The following TRAP1 variants were observed in gnomAD, a reference collection of about 807,000 sequenced individuals.
The protein encoded by TRAP1 is heat shock protein 75 kDa, mitochondrial.
In TRAP1, 102 loss-of-function variants were observed where a neutral mutation model predicts 89.1. The ratio of observed to expected loss-of-function variants is 1.15; its 90% confidence interval spans 0.98 to 1.35. TRAP1 has a LOEUF of 1.35. Ranked by LOEUF, TRAP1 falls within the 40% of genes most tolerant of loss-of-function variation. The pLI is 0.00. For synonymous variants in TRAP1, 508 were observed against 388.0 expected (o/e 1.31, Z -3.64); for missense variants, 1,256 against 945.3 (o/e 1.33, Z -4.31).
At chr16:3,683,351 G>A (rs1179743144) in intron 4 of TRAP1, among the ~76,000 whole-genome samples, 1 of 151,486 alleles carries the variant, frequency 6.6e-6, no homozygotes, top group Non-Finnish European at 1.5e-5. Flanking sequence ...ATCCATACCG[G>A]TTGATTAACT....
chr16:3,687,363 A>T (rs1351886920), intron 3 of TRAP1: 1 of 152,238 alleles, frequency 6.6e-6, no homozygotes, highest in Non-Finnish European at 1.5e-5. Flanking sequence ...GTCCAATTAA[A>T]GCTCCTTCTT....
At chr16:3,708,858 G>A (rs532403062) in intron 1 of TRAP1, among the ~76,000 whole-genome samples, 1 of 145,582 alleles carries the variant, frequency 6.9e-6, no homozygotes, top group Admixed American at 7.0e-5. Flanking sequence ...CTCTGTTGCC[G>A]AGGCTGGAGT....
intron 1 of TRAP1, among the ~76,000 whole-genome samples, chr16:3,713,271 G>C (rs1223300816): frequency 2.0e-5 from 3 of 152,196 alleles, no homozygotes; most frequent in Admixed American, 2.0e-4. Context: ...GGAGAGCAGA[G>C]GGAGGAGGCA....
chr16:3,672,642 G>C (rs968246787), intron 10 of TRAP1, 58 bp downstream of exon 10: 5 of 1,553,962 alleles, frequency 3.2e-6, no homozygotes, highest in Non-Finnish European at 4.3e-6. Flanking sequence ...GTCCCTCACA[G>C]ATGCAGCGGG....
chr16:3,675,215 GC>G (rs2050972739), intron 8 of TRAP1, 108 bp downstream of exon 8: 1 of 1,035,800 alleles, frequency 9.7e-7, no homozygotes, highest in Non-Finnish European at 1.4e-6. Flanking sequence ...AGAGCAGCTC[GC>G]CCTGTGACTC....
intron 4 of TRAP1, chr16:3,680,016 G>A: frequency 4.0e-6 from 2 of 497,878 alleles, no homozygotes; most frequent in South Asian, 4.7e-5. Flanking sequence ...GATCACTTGA[G>A]GCCAGGAGTT....
intron 1 of TRAP1, among the ~76,000 whole-genome samples, chr16:3,702,712 T>G: frequency 6.6e-6 from 1 of 151,612 alleles, no homozygotes; most frequent in South Asian, 2.1e-4. Flanking sequence ...ACCACTGCAC[T>G]CTAGCCTGGG....
rs776050999 is a variant in TRAP1, at chr16:3,672,811, T to C, written c.1054A>G (p.Met352Val). Reference protein sequence around the residue: ...IFYVPDMKPSMFDVSRELGSS... With the variant: ...IFYVPDMKPSVFDVSRELGSS... ...CCCAGCTCCCGGCTCACATCAAACA[T>C]GGACGGTTTCTGGGGGTGAGGAGAA... is the stretch of plus-strand genomic sequence containing the variant. Residue 352 changes from methionine (M) to valine (V), a missense_variant, in exon 10 of 18, where the codon ATG becomes GTG. By Grantham distance (21) the Met-to-Val change is conservative (BLOSUM62 1). Coordinates refer to ENST00000246957, the MANE Select transcript of TRAP1 (RefSeq NM_016292.3). The C allele has an allele frequency of 2.8e-5, 45 of 1,612,760 alleles. No homozygotes were observed. Among genetic ancestry groups the C allele is most frequent in the Non-Finnish European group, 3.6e-5 (43 of 1,179,656 alleles).
Position 3,674,389 on chromosome 16 carries a change from T to TA in TRAP1, c.993dup (p.Lys332Ter). ...CGGATGTTGAGCGGTGCGTCCGTCT[T>TA]ATAGTGCAGGGTGTAGCGGGGCTTG... On this transcript the variant is annotated frameshift_variant, in exon 9 of 18. Transcript: ENST00000246957. LOFTEE classifies it high-confidence loss of function. 1 of 1,614,080 alleles carries TA rather than the reference T, an allele frequency of 6.2e-7. No homozygotes were observed. The highest frequency in any genetic ancestry group is 8.5e-7 in the Non-Finnish European group (1 of 1,180,012).
chr16:3,693,465 T>A (rs1191608948), intron 1 of TRAP1, among the ~76,000 whole-genome samples: 1 of 151,890 alleles, frequency 6.6e-6, no homozygotes, highest in Non-Finnish European at 1.5e-5. Flanking sequence ...GCGAACAGTC[T>A]ACATCAAACC....
chr16:3,674,345 G>T lies in TRAP1; in HGVS notation c.1038C>A (p.Pro346=), dbSNP rs146112190. ...PLNIRSIFYV[P]DMKPSMFDVS... ...GACTGCCACAGTGCCTCACCATGTCGGGCACGTAGAAGATGCTGCGGATGT... is the reference window on the plus strand; with the variant it reads ...GACTGCCACAGTGCCTCACCATGTCTGGCACGTAGAAGATGCTGCGGATGT... The change falls in exon 9 of 18, where the codon CCC becomes CCA. Residue 346 remains proline (P), a synonymous_variant. Transcript: ENST00000246957. 6.2e-7 allele frequency: 1 copy of T among 1,613,738 alleles called. No homozygotes were observed. The highest frequency in any genetic ancestry group is 1.3e-5 in the African/African-American group (1 of 74,912).
At chr16:3,658,694 AAGAC>A (rs1304238314) in intron 17 of TRAP1, 95 bp downstream of exon 17, 6 of 1,036,058 alleles carry the variant, frequency 5.8e-6, no homozygotes, top group Non-Finnish European at 8.2e-6. Flanking sequence ...AACAAACAAA[AAGAC>A]AGGATTTTAG....
chr16:3,663,553 A>G lies in TRAP1; in HGVS notation c.1579T>C (p.Cys527Arg). The G allele has an allele frequency of 1.2e-6, 2 of 1,613,974 alleles. No homozygotes were observed. The highest frequency in any genetic ancestry group is 1.3e-5 in the African/African-American group (1 of 75,058). ...GTGAGCTCATCAAACTGCTCAAAGC[A>G]GAAGAGAACCTGCAGGTGGCCAAGA... ...MKKKDTEVLFCFEQFDELTLL... is the reference protein window; with the variant it reads ...MKKKDTEVLFRFEQFDELTLL... The change falls in exon 14 of 18, where the codon TGC becomes CGC. Residue 527 changes from cysteine (C) to arginine (R), a missense_variant. Coordinates refer to ENST00000246957, the MANE Select transcript of TRAP1 (RefSeq NM_016292.3).
chr16:3,669,762 G>A (rs2050885717), intron 11 of TRAP1, among the ~76,000 whole-genome samples: 1 of 150,604 alleles, frequency 6.6e-6, no homozygotes, highest in Non-Finnish European at 1.5e-5. Flanking sequence ...GAACCCGGGA[G>A]GCGGAGCTTG....
intron 1 of TRAP1, among the ~76,000 whole-genome samples, chr16:3,706,482 A>C (rs866356563): frequency 9.1e-6 from 1 of 109,954 alleles, no homozygotes. Flanking sequence ...TTTTTTTGAG[A>C]TAGGTTCTTG....
At chr16:3,713,541 C>T (rs991384920) in intron 1 of TRAP1, among the ~76,000 whole-genome samples, 2 of 152,236 alleles carry the variant, frequency 1.3e-5, no homozygotes, top group Non-Finnish European at 1.5e-5. Context: ...AAGATCTTAA[C>T]GCCTGCACCA....
chr16:3,663,315 T>G (rs1387367219), intron 14 of TRAP1, 109 bp downstream of exon 14: 5 of 1,454,924 alleles, frequency 3.4e-6, no homozygotes, highest in Middle Eastern at 2.0e-4. Context: ...CGGGGGTGGC[T>G]GAGCCCAGGT....
chr16:3,658,852 T>G lies in TRAP1; in HGVS notation c.1954A>C (p.Lys652Gln), dbSNP rs747999733. Reference sequence around the variant, plus strand: ...CTTGCGCGCAGCTGATTCAGCTTCTTGATGAGCGCGTGCCTGCAACACAGA... The same window carrying G: ...CTTGCGCGCAGCTGATTCAGCTTCTGGATGAGCGCGTGCCTGCAACACAGA... ...LEINPRHALIKKLNQLRASEP... is the reference protein window; with the variant it reads ...LEINPRHALIQKLNQLRASEP... Residue 652 changes from lysine to glutamine, a missense_variant, in exon 17 of 18, where the codon AAG becomes CAG. Transcript: ENST00000246957. 6.2e-7 allele frequency: 1 copy of G among 1,614,062 alleles called. No individual in the cohort carries two copies. Among genetic ancestry groups the G allele is most frequent in the South Asian group, 1.1e-5 (1 of 91,074 alleles).
intron 11 of TRAP1, among the ~76,000 whole-genome samples, chr16:3,670,952 G>A (rs533847775): frequency 6.6e-6 from 1 of 152,110 alleles, no homozygotes; most frequent in Non-Finnish European, 1.5e-5. Context: ...CATGCCCACA[G>A]CGCAGCCCCA....
Sources: allele counts gnomAD v4.1 joint callset (sites outside exome capture counted in the v4.1 genomes callset), GRCh38; gene constraint gnomAD v4.1.1; transcripts MANE v1.5; gene names NCBI Gene and HGNC (gene_info 2026-07-23, HGNC 2026-07-21).